The following ARHGEF3 variants were observed in gnomAD, a reference collection of about 807,000 sequenced individuals.
ARHGEF3 encodes the protein Rho guanine nucleotide exchange factor 3.
A neutral mutation model predicts 63.2 loss-of-function variants in ARHGEF3; 28 were observed. The observed-to-expected ratio is 0.44, with a 90% confidence interval of 0.33 to 0.61. The LOEUF is 0.61. Ranked by LOEUF, ARHGEF3 falls within the 20% of genes least tolerant of loss-of-function variation. The pLI, the probability that ARHGEF3 is intolerant of heterozygous loss-of-function variation, is 0.03. For synonymous variants in ARHGEF3, 266 were observed against 254.2 expected, an observed-to-expected ratio of 1.05 and a Z score of -0.44; for missense variants, 533 against 659.3, an observed-to-expected ratio of 0.81 and a Z score of 2.10.
intron 4 of ARHGEF3, among the ~76,000 whole-genome samples, chr3:56,864,333 G>C (rs902022455): frequency 6.6e-6 from 1 of 152,160 alleles, no homozygotes; most frequent in African/African-American, 2.4e-5. Context: ...CTGCCACAGG[G>C]CCCTTGCACA....
chr3:57,017,322 G>A (rs1394643942), intron 2 of ARHGEF3, among the ~76,000 whole-genome samples: 1 of 152,098 alleles, frequency 6.6e-6, no homozygotes, highest in African/African-American at 2.4e-5. Flanking sequence ...CCAGGGCCAT[G>A]TAAATGGCTG....
chr3:56,844,143 G>A (rs1578657399), intron 4 of ARHGEF3, among the ~76,000 whole-genome samples: 1 of 152,178 alleles, frequency 6.6e-6, no homozygotes, highest in South Asian at 2.1e-4. Flanking sequence ...AGTTCTGCTC[G>A]ACAGTGCAGA....
chr3:56,963,494 T>C (rs1164686481), intron 2 of ARHGEF3, among the ~76,000 whole-genome samples: 1 of 152,212 alleles, frequency 6.6e-6, no homozygotes, highest in African/African-American at 2.4e-5. Flanking sequence ...GAGACTTCTC[T>C]TTTCTAATTT....
At chr3:56,921,020 A>T (rs1241795720) in intron 3 of ARHGEF3, among the ~76,000 whole-genome samples, 9 of 135,468 alleles carry the variant, frequency 6.6e-5, no homozygotes, top group Non-Finnish European at 9.1e-5. Flanking sequence ...GCACCACTGC[A>T]CTCCAGCCTG....
chr3:57,009,929 A>T (rs1702614611), intron 2 of ARHGEF3, among the ~76,000 whole-genome samples: 1 of 152,182 alleles, frequency 6.6e-6, no homozygotes, highest in Non-Finnish European at 1.5e-5. Context: ...CGTCATACCC[A>T]TTTTAAAGAT....
chr3:57,073,610 G>A (rs1399882211), intron 1 of ARHGEF3: 2 of 1,491,970 alleles, frequency 1.3e-6, no homozygotes, highest in Admixed American at 4.9e-5. Flanking sequence ...CAGGTTGCAA[G>A]AGTGCTGCAT....
At chr3:57,003,606 A>T (rs1329310167) in intron 2 of ARHGEF3, among the ~76,000 whole-genome samples, 2 of 152,008 alleles carry the variant, frequency 1.3e-5, no homozygotes, top group Admixed American at 6.6e-5. Context: ...AGACTTTTTT[A>T]CCTTACATGG....
At chr3:56,732,478 G>A (rs1274733290) in intron 8 of ARHGEF3, 54 bp from the exon 9 acceptor site, 14 of 1,591,506 alleles carry the variant, frequency 8.8e-6, no homozygotes, top group Non-Finnish European at 1.2e-5. Flanking sequence ...ATGAGTGGTT[G>A]ATATGTGGAC....
At chr3:56,762,686 C>T (rs2035486689) in intron 2 of ARHGEF3, among the ~76,000 whole-genome samples, 1 of 152,192 alleles carries the variant, frequency 6.6e-6, no homozygotes, top group Non-Finnish European at 1.5e-5. Context: ...ATTCTCCACA[C>T]TTACCATGCT....
At chr3:56,830,088 G>A (rs78413816) in intron 4 of ARHGEF3, among the ~76,000 whole-genome samples, 1 of 152,122 alleles carries the variant, frequency 6.6e-6, no homozygotes, top group African/African-American at 2.4e-5. Context: ...CATAGAATTT[G>A]TAAGTAGCAG....
At chr3:56,978,834 C>G (rs1239049227) in intron 2 of ARHGEF3, among the ~76,000 whole-genome samples, 1 of 152,184 alleles carries the variant, frequency 6.6e-6, no homozygotes, top group South Asian at 2.1e-4. Context: ...AGAGCTCACA[C>G]AGCCAACAAT....
At position 57,017,032 on chromosome 3, in the gene ARHGEF3, T is replaced by TCTCTCACACA. The variant is rs1221332567; in HGVS notation, c.62+18055_62+18056insTGTGTGAGAG. Among the ~76,000 whole-genome samples the TCTCTCACACA allele has an allele frequency of 9.1e-3, 949 of 104,336 alleles. 11 individuals carry two copies. The highest frequency in any genetic ancestry group is 0.03 in the African/African-American group (853 of 28,204). The allele number at this position is 104,336 out of a possible 152,430, so 68.4% of individuals were successfully genotyped here. ...CTCTCTCTCTCTCTCTCTCTCTCTC[T>TCTCTCACACA]CACACACACACACACACACACACAC... is the stretch of plus-strand genomic sequence containing the variant. On this transcript the variant is annotated intron_variant, in intron 2 of 12. Transcript: ENST00000338458.
chr3:56,795,928 A>G (rs575269725), intron 1 of ARHGEF3, among the ~76,000 whole-genome samples: 44 of 151,440 alleles, frequency 2.9e-4, no homozygotes, highest in Non-Finnish European at 3.8e-4. Flanking sequence ...GAGCCACCAC[A>G]CTGGGCATGA....
intron 4 of ARHGEF3, among the ~76,000 whole-genome samples, chr3:56,861,472 C>A (rs1359227071): frequency 1.3e-5 from 2 of 152,146 alleles, no homozygotes; most frequent in Non-Finnish European, 2.9e-5. Context: ...GCAAAAGAAA[C>A]AGTCTTCCTA....
At chr3:56,979,350 G>T (rs964298421) in intron 2 of ARHGEF3, among the ~76,000 whole-genome samples, 4 of 152,224 alleles carry the variant, frequency 2.6e-5, no homozygotes, top group African/African-American at 9.6e-5. Flanking sequence ...GCCCTGCAGT[G>T]GTTGGGACAG....
At chr3:57,069,444 G>A (rs951941538) in intron 1 of ARHGEF3, among the ~76,000 whole-genome samples, 4 of 151,126 alleles carry the variant, frequency 2.6e-5, no homozygotes, top group Non-Finnish European at 5.9e-5. Context: ...CCTCACCCCA[G>A]ATGAGTTGAG....
At chr3:56,994,064 C>A (rs866332084) in intron 2 of ARHGEF3, among the ~76,000 whole-genome samples, 79 of 59,714 alleles carry the variant, frequency 1.3e-3, no homozygotes, top group African/African-American at 3.2e-3. Flanking sequence ...AACTTCGTCT[C>A]AAAAAAAAAA....
intron 5 of ARHGEF3, 22 bp from the exon 6 acceptor site, chr3:56,751,154 C>T (rs1394863981): frequency 3.7e-6 from 6 of 1,609,412 alleles, no homozygotes; most frequent in East Asian, 4.5e-5. Context: ...CAAACAGATG[C>T]TTATTTGTTA....
intron 2 of ARHGEF3, among the ~76,000 whole-genome samples, chr3:57,002,758 A>C (rs1702305312): frequency 6.8e-6 from 1 of 147,066 alleles, no homozygotes; most frequent in Non-Finnish European, 1.5e-5. Context: ...GCCTTAGAAG[A>C]AGAAGTTCTA....
Sources: allele counts gnomAD v4.1 joint callset (sites outside exome capture counted in the v4.1 genomes callset), GRCh38; gene constraint gnomAD v4.1.1; transcripts MANE v1.5; gene names NCBI Gene and HGNC (gene_info 2026-07-23, HGNC 2026-07-21).